Variants in TBC1D22A observed in about 807,000 individuals in gnomAD.
TBC1D22A encodes TBC1 domain family member 22A, also known as putative GTPase activator.
In TBC1D22A, 38 loss-of-function variants were observed where a neutral mutation model predicts 60.2. That is an observed-to-expected ratio of 0.63 (90% CI 0.49 to 0.83). TBC1D22A has a LOEUF of 0.83. Ranked by LOEUF, TBC1D22A falls within the 40% of genes least tolerant of loss-of-function variation. TBC1D22A has a pLI of 0.00. For synonymous variants in TBC1D22A, 302 were observed against 281.7 expected, an observed-to-expected ratio of 1.07 and a Z score of -0.72; for missense variants, 628 against 701.0, an observed-to-expected ratio of 0.90 and a Z score of 1.18.
At chr22:47,123,356 G>A (rs6008039) in intron 12 of TBC1D22A, among the ~76,000 whole-genome samples, 5,147 of 152,290 alleles carry the variant, frequency 0.034, 290 homozygotes, top group African/African-American at 0.12. Flanking sequence ...AGCACCTGGC[G>A]CGTGGTCGGA....
At chr22:47,066,981 T>C (rs2063794960) in intron 11 of TBC1D22A, among the ~76,000 whole-genome samples, 1 of 152,144 alleles carries the variant, frequency 6.6e-6, no homozygotes, top group Non-Finnish European at 1.5e-5. Flanking sequence ...AAAAACTCAT[T>C]TTGGCCAGGC....
At chr22:46,963,750 C>G (rs2073661502) in intron 8 of TBC1D22A, among the ~76,000 whole-genome samples, 3 of 152,200 alleles carry the variant, frequency 2.0e-5, no homozygotes, top group Admixed American at 2.0e-4. Flanking sequence ...GGGCCGTGCA[C>G]CTCCCCTCCC....
chr22:47,069,680 CTGT>C (rs1264339634), intron 11 of TBC1D22A, among the ~76,000 whole-genome samples: 2 of 147,054 alleles, frequency 1.4e-5, no homozygotes, highest in Non-Finnish European at 3.0e-5. Context: ...CGGCTGTTCC[CTGT>C]TGTTTGGTTG....
chr22:46,967,888 G>A (rs545199072), intron 8 of TBC1D22A, among the ~76,000 whole-genome samples: 3 of 151,506 alleles, frequency 2.0e-5, no homozygotes, highest in South Asian at 4.4e-4. Flanking sequence ...GTAATTACAA[G>A]CTACGATTCC....
chr22:46,841,116 G>A (rs2086750214), intron 4 of TBC1D22A, among the ~76,000 whole-genome samples: 1 of 152,030 alleles, frequency 6.6e-6, no homozygotes, highest in African/African-American at 2.4e-5. Context: ...AAATGGGATT[G>A]CCATGGCCTT....
chr22:46,881,518 C>T lies in TBC1D22A; in HGVS notation c.708+2795C>T, dbSNP rs527585082. ...TGTCCCTTACTGAGTGCTTGCCGTGCGTCAGACCACGCATTCAGAGATTCT... is the reference window on the plus strand; with the variant it reads ...TGTCCCTTACTGAGTGCTTGCCGTGTGTCAGACCACGCATTCAGAGATTCT... On this transcript the variant is annotated intron_variant, in intron 5 of 12. Transcript: ENST00000337137. Among the ~76,000 whole-genome samples, 49 of 152,314 alleles carry T rather than the reference C, an allele frequency of 3.2e-4. 1 individual carries two copies. In the East Asian group the frequency reaches 6.8e-3, roughly 21 times the overall value.
chr22:47,057,749 C>G (rs1046527467), intron 11 of TBC1D22A, among the ~76,000 whole-genome samples: 3 of 152,162 alleles, frequency 2.0e-5, no homozygotes, highest in African/African-American at 7.2e-5. Context: ...GAAAACCATT[C>G]CCGTGATTCA....
intron 1 of TBC1D22A, among the ~76,000 whole-genome samples, chr22:46,768,960 G>A (rs1026304449): frequency 6.6e-6 from 1 of 152,004 alleles, no homozygotes; most frequent in Non-Finnish European, 1.5e-5. Context: ...TGGACATTGT[G>A]GCAGGCATCT....
chr22:46,865,370 G>C (rs2067001341), intron 4 of TBC1D22A, among the ~76,000 whole-genome samples: 1 of 152,116 alleles, frequency 6.6e-6, no homozygotes, highest in African/African-American at 2.4e-5. Context: ...GTTAGTTTTA[G>C]GTCAGATATT....
At chr22:46,788,198 A>G (rs1161271366) in intron 1 of TBC1D22A, among the ~76,000 whole-genome samples, 3 of 152,038 alleles carry the variant, frequency 2.0e-5, no homozygotes, top group African/African-American at 7.3e-5. Flanking sequence ...GGCCTCCCAA[A>G]GTGCTGGGAT....
chr22:46,870,481 TG>T (rs368347922), intron 4 of TBC1D22A, among the ~76,000 whole-genome samples: 1 of 152,358 alleles, frequency 6.6e-6, no homozygotes, highest in African/African-American at 2.4e-5. Context: ...TTTCTACTTA[TG>T]TAAGTTTTTT....
Position 46,995,743 on chromosome 22 carries a change from C to T in TBC1D22A, c.1126-1891C>T, listed in dbSNP as rs9615436. ...ACACCCTTGCTGTGTGCCCTGTCAC[C>T]CTTCCTCCACCTGCGGATTCTGTGA... On this transcript the variant is annotated intron_variant, in intron 9 of 12. Transcript: ENST00000337137. 9.1e-3 allele frequency among the ~76,000 whole-genome samples: 1,387 copies of T among 152,210 alleles called. 15 individuals are homozygous for T. The highest frequency in any genetic ancestry group is 0.024 in the African/African-American group (990 of 41,522).
At chr22:46,893,418 G>T (rs915377657) in intron 6 of TBC1D22A, among the ~76,000 whole-genome samples, 1 of 152,178 alleles carries the variant, frequency 6.6e-6, no homozygotes, top group African/African-American at 2.4e-5. Flanking sequence ...TCTAATGTTG[G>T]AGCCTCTCCT....
intron 6 of TBC1D22A, 80 bp downstream of exon 6, chr22:46,891,474 A>G (rs577252531): frequency 1.4e-6 from 2 of 1,466,240 alleles, no homozygotes; most frequent in Non-Finnish European, 1.8e-6. Flanking sequence ...TGTTTTATCA[A>G]AACCATGTGG....
At chr22:46,871,205 C>T (rs117363852) in intron 4 of TBC1D22A, among the ~76,000 whole-genome samples, 1 of 152,146 alleles carries the variant, frequency 6.6e-6, no homozygotes, top group Non-Finnish European at 1.5e-5. Flanking sequence ...ACCAGCTTTA[C>T]AATGCATGAA....
Position 47,127,520 on chromosome 22 carries a change from G to A in TBC1D22A, c.1425+15917G>A, listed in dbSNP as rs370856180. Among the ~76,000 whole-genome samples the A allele has an allele frequency of 9.3e-5, 14 of 150,946 alleles. No homozygotes were observed. The East Asian group carries it at 2.4e-3, about 26-fold the overall frequency. ...GATGACAGGTGTGAGCCACCACCACGCCCAGCCTGGATTTCTTTTGACGTG... is the reference window on the plus strand; with the variant it reads ...GATGACAGGTGTGAGCCACCACCACACCCAGCCTGGATTTCTTTTGACGTG... On this transcript the variant is annotated intron_variant, in intron 12 of 12. Coordinates refer to ENST00000337137, the MANE Select transcript of TBC1D22A (RefSeq NM_014346.5).
chr22:46,997,745 C>T (rs562285105), intron 10 of TBC1D22A, 36 bp downstream of exon 10: 90 of 1,602,638 alleles, frequency 5.6e-5, no homozygotes, highest in Middle Eastern at 3.3e-4. Flanking sequence ...TCTCTGTGGG[C>T]GGGGGGAGGT....
chr22:47,147,733 G>A (rs1184336192), intron 12 of TBC1D22A, among the ~76,000 whole-genome samples: 1 of 152,248 alleles, frequency 6.6e-6, no homozygotes, highest in East Asian at 1.9e-4. Context: ...TGTCCTTAAG[G>A]GTAGGAGCGG....
chr22:47,157,116 CTGTGGGGG>C (rs2147190969), intron 12 of TBC1D22A, among the ~76,000 whole-genome samples: 1 of 152,322 alleles, frequency 6.6e-6, no homozygotes, highest in Admixed American at 6.5e-5. Flanking sequence ...AAGGCGCCTC[CTGTGGGGG>C]TGATTCGTCT....
Sources: allele counts gnomAD v4.1 joint callset (sites outside exome capture counted in the v4.1 genomes callset), GRCh38; gene constraint gnomAD v4.1.1; transcripts MANE v1.5; gene names NCBI Gene and HGNC (gene_info 2026-07-23, HGNC 2026-07-21).